PLEKHA8: variants seen among roughly 807,000 people sequenced by gnomAD.
PLEKHA8 encodes the protein pleckstrin homology domain-containing family A member 8.
Under a neutral mutation model 68.2 loss-of-function variants are expected in PLEKHA8, and 36 were observed. The observed-to-expected ratio is 0.53, with a 90% confidence interval of 0.40 to 0.70. The LOEUF is 0.70. Among genes scored for constraint, PLEKHA8 ranks in the 30% least tolerant of loss-of-function variants. The probability of loss-of-function intolerance (pLI) is 0.00; values close to 1 mark genes in which losing one functional copy is unlikely to be tolerated. For missense variants in PLEKHA8, 505 were observed against 615.4 expected, an observed-to-expected ratio of 0.82 and a Z score of 1.90; for synonymous variants, 211 against 216.1, an observed-to-expected ratio of 0.98 and a Z score of 0.20.
chr7:30,083,788 A>G lies in PLEKHA8; in HGVS notation c.*5001A>G. On this transcript the variant is annotated 3_prime_UTR_variant, in exon 14 of 14. Transcript: ENST00000449726. ...ATATCCTGCTTGTTCTAAATAGTTC[A>G]TATATTTAAAGTGTGGTCAGTATTT... is the stretch of plus-strand genomic sequence containing the variant. 2.0e-6 allele frequency: 2 copies of G among 985,358 alleles called. No individual in the cohort carries two copies. The highest frequency in any genetic ancestry group is 1.2e-6 in the Non-Finnish European group (1 of 829,864). The allele number at this position is 985,358 out of a possible 1,614,324, so 61.0% of individuals were successfully genotyped here.
intron 12 of PLEKHA8, among the ~76,000 whole-genome samples, chr7:30,063,201 T>C (rs1793575301): frequency 1.3e-5 from 2 of 152,176 alleles, no homozygotes. Flanking sequence ...TATATAATGC[T>C]GTGTGCGTCC....
At chr7:30,056,764 T>A (rs1270661399) in intron 9 of PLEKHA8, among the ~76,000 whole-genome samples, 2 of 131,856 alleles carry the variant, frequency 1.5e-5, no homozygotes, top group African/African-American at 2.9e-5. Flanking sequence ...TGTGTGTGTG[T>A]GTGTGTGTGT....
downstream of PLEKHA8, among the ~76,000 whole-genome samples, chr7:30,085,630 C>G (rs950980229): frequency 6.6e-6 from 1 of 152,130 alleles, no homozygotes; most frequent in South Asian, 2.1e-4. Flanking sequence ...TCCTGTCCAC[C>G]CACGTCTCAG....
rs1431513796 is a variant in PLEKHA8, at chr7:30,039,013, GTGT to G, written c.41-6067_41-6065del. ...GAAGAAAATTATGCTCATTGAAAAC[GTGT>G]TGTTCAACATTAATTGAACTGAAAA... On this transcript the variant is annotated intron_variant, in intron 1 of 13. Transcript: ENST00000449726. 3.8e-5 allele frequency among the ~76,000 whole-genome samples: 3 copies of G among 79,316 alleles called. No individual in the cohort carries two copies. In the East Asian group the frequency reaches 7.6e-4, roughly 20 times the overall value. The allele number at this position is 79,316 out of a possible 152,430, so 52.0% of individuals were successfully genotyped here.
At chr7:30,076,843 T>C (rs1223752163) in intron 13 of PLEKHA8, among the ~76,000 whole-genome samples, 1 of 152,228 alleles carries the variant, frequency 6.6e-6, no homozygotes, top group African/African-American at 2.4e-5. Context: ...GCCAAATTCA[T>C]GTTAACTAAT....
intron 6 of PLEKHA8, 82 bp from the exon 7 acceptor site, chr7:30,052,627 G>A: frequency 8.3e-7 from 1 of 1,205,836 alleles, no homozygotes; most frequent in South Asian, 1.7e-5. Flanking sequence ...GTGACAGAGT[G>A]GAGACCCTGT....
At position 30,066,463 on chromosome 7, in the gene PLEKHA8, T is replaced by C. The variant is rs1396539504; in HGVS notation, c.1300+3721T>C. 6.6e-5 allele frequency among the ~76,000 whole-genome samples: 10 copies of C among 152,320 alleles called. No homozygotes were observed. The East Asian group carries it at 1.9e-3, about 29-fold the overall frequency. On this transcript the variant is annotated intron_variant, in intron 12 of 13. Transcript: ENST00000449726. ...GAGCCATCACTTGGCTTCCCCATAATGATAATCAGAGTGGAACATTTTGGG... is the reference window on the plus strand; with the variant it reads ...GAGCCATCACTTGGCTTCCCCATAACGATAATCAGAGTGGAACATTTTGGG...
At chr7:30,036,583 A>G (rs1364888617) in intron 1 of PLEKHA8, among the ~76,000 whole-genome samples, 1 of 152,218 alleles carries the variant, frequency 6.6e-6, no homozygotes, top group African/African-American at 2.4e-5. Flanking sequence ...AGGTGCTGGT[A>G]GGACATATGA....
chr7:30,084,487 C>T lies in PLEKHA8; in HGVS notation c.*5700C>T, dbSNP rs1027763074. On this transcript the variant is annotated 3_prime_UTR_variant, in exon 14 of 14. Coordinates refer to ENST00000449726, the MANE Select transcript of PLEKHA8 (RefSeq NM_001197026.2). ...GAGCCTCTTGGGACCAACCGATGAGCGACAGTTTCATGTTTAGATTTGTAT... is the reference window on the plus strand; with the variant it reads ...GAGCCTCTTGGGACCAACCGATGAGTGACAGTTTCATGTTTAGATTTGTAT... 94 of 985,040 alleles carry T rather than the reference C, an allele frequency of 9.5e-5. 2 individuals carry two copies. In the Admixed American group the frequency reaches 4.7e-3, roughly 50 times the overall value. 61.0% of individuals were successfully genotyped at this position (985,040 alleles called of 1,614,324 possible). A position where few individuals can be genotyped will look rare whatever the true frequency, so the allele number is the denominator to read the frequency against.
Position 30,084,417 on chromosome 7 carries a change from T to TG in PLEKHA8, c.*5630_*5631insG. 1 of 985,398 alleles carries TG rather than the reference T, an allele frequency of 1.0e-6. No homozygotes were observed. Among genetic ancestry groups the TG allele is most frequent in the South Asian group, 4.7e-5 (1 of 21,292 alleles). The allele number at this position is 985,398 out of a possible 1,614,324, so 61.0% of individuals were successfully genotyped here. A position where few individuals can be genotyped will look rare whatever the true frequency, so the allele number is the denominator to read the frequency against. On this transcript the variant is annotated 3_prime_UTR_variant, in exon 14 of 14. Transcript: ENST00000449726. ...ACTATAAAAGTGTCAAGTGGCTTGT[T>TG]AACTTCTTAATTTAATGGACCTTTA... is the stretch of plus-strand genomic sequence containing the variant.
chr7:30,113,901 CTTT>C (rs748202008), intron 13 of PLEKHA8, among the ~76,000 whole-genome samples: 179 of 139,788 alleles, frequency 1.3e-3, no homozygotes, highest in African/African-American at 3.8e-3. Context: ...CAAAATATTA[CTTT>C]TTTTTTTTTT....
chr7:30,110,674 A>G (rs1796243395), intron 13 of PLEKHA8, among the ~76,000 whole-genome samples: 1 of 152,224 alleles, frequency 6.6e-6, no homozygotes, highest in Non-Finnish European at 1.5e-5. Flanking sequence ...TTACATCCCC[A>G]TCAACGCTTG....
At chr7:30,090,087 A>G in intron 12 of PLEKHA8, 3 of 1,491,920 alleles carry the variant, frequency 2.0e-6, no homozygotes, top group Non-Finnish European at 1.8e-6. Flanking sequence ...TGGAGATAAA[A>G]TACAGAAGAT....
chr7:30,045,851 T>G lies in PLEKHA8; in HGVS notation c.158-359T>G, dbSNP rs112356309. On this transcript the variant is annotated intron_variant, in intron 2 of 13. Coordinates refer to ENST00000449726, the MANE Select transcript of PLEKHA8 (RefSeq NM_001197026.2). ...TCCAAGGAGATAAAAAACATACCCT[T>G]GTTTCTTGGCCTCAGAGCAGCCTAC... Among the ~76,000 whole-genome samples the G allele has an allele frequency of 4.9e-4, 74 of 152,296 alleles. 1 individual carries two copies. Among genetic ancestry groups the G allele is most frequent in the Middle Eastern group, 3.4e-3 (1 of 294 alleles).
At chr7:30,094,542 T>C (rs1445333319), downstream of PLEKHA8, among the ~76,000 whole-genome samples, 1 of 152,000 alleles carries the variant, frequency 6.6e-6, no homozygotes, top group Non-Finnish European at 1.5e-5. Flanking sequence ...CTTCAAGTTT[T>C]AGGAAACATG....
intron 3 of PLEKHA8, among the ~76,000 whole-genome samples, 184 bp downstream of exon 3, chr7:30,046,549 G>C (rs1320382418): frequency 1.3e-5 from 2 of 152,184 alleles, no homozygotes; most frequent in African/African-American, 4.8e-5. Flanking sequence ...GCATAGCATA[G>C]TGCAAAGAAT....
chr7:30,089,788 C>T (rs936895465), intron 12 of PLEKHA8, among the ~76,000 whole-genome samples: 4 of 152,124 alleles, frequency 2.6e-5, no homozygotes, highest in African/African-American at 9.7e-5. Flanking sequence ...CTCAATAAAA[C>T]AAGCACTCAG....
intron 4 of PLEKHA8, among the ~76,000 whole-genome samples, chr7:30,048,559 A>G (rs187324425): frequency 5.9e-5 from 9 of 152,348 alleles, no homozygotes; most frequent in African/African-American, 2.2e-4. Context: ...TTTATTTTAA[A>G]ACATATATTA....
At chr7:30,110,525 T>C (rs1193373675) in intron 13 of PLEKHA8, among the ~76,000 whole-genome samples, 1 of 152,216 alleles carries the variant, frequency 6.6e-6, no homozygotes, top group African/African-American at 2.4e-5. Flanking sequence ...TTTCTCTTGG[T>C]ATGTACCTAG....
Sources: allele counts gnomAD v4.1 joint callset (sites outside exome capture counted in the v4.1 genomes callset), GRCh38; gene constraint gnomAD v4.1.1; transcripts MANE v1.5; gene names NCBI Gene and HGNC (gene_info 2026-07-23, HGNC 2026-07-21).